The following ARHGEF4 variants were observed in gnomAD, a reference collection of about 807,000 sequenced individuals.
ARHGEF4 encodes the protein Rho guanine nucleotide exchange factor 4.
ARHGEF4 carries 119 observed loss-of-function variants against 162.0 expected under a neutral mutation model. That is an observed-to-expected ratio of 0.73 (90% confidence interval 0.63 to 0.86). The LOEUF is 0.86. Ranked by LOEUF, ARHGEF4 falls within the 40% of genes least tolerant of loss-of-function variation. ARHGEF4 has a pLI of 0.00. For synonymous variants in ARHGEF4, 1,014 were observed against 979.9 expected, an observed-to-expected ratio of 1.03 and a Z score of -0.65; for missense variants, 2,488 against 2,456.0, an observed-to-expected ratio of 1.01 and a Z score of -0.28.
Position 130,916,533 on chromosome 2 carries a change from G to A in ARHGEF4, c.2587G>A (p.Ala863Thr), listed in dbSNP as rs1403470944. The stretch of plus-strand genomic sequence containing the variant: ...CGCCTGGCCCGAGTTTGTCCCGCAG[G>A]CTGCAGGCGACAGGACTGCAGGGCC... The part of the protein sequence containing the change: ...ASAWPEFVPQ[A>T]AGDRTAGPAG... Residue 863 changes from alanine to threonine, a missense_variant, in exon 2 of 14, where the codon GCT becomes ACT. By Grantham distance (58) the Ala-to-Thr change is moderately conservative. Around this residue, in one of 6 missense-constraint regions of ARHGEF4, gnomAD observed 1,642 missense variants for 1,481.5 expected, o/e 1.11. Coordinates refer to ENST00000409359, the MANE Select transcript of ARHGEF4 (RefSeq NM_001367493.1). The A allele has an allele frequency of 6.5e-7, 1 of 1,549,910 alleles. No homozygotes were observed.
At chr2:130,956,521 G>A (rs1684281993) in intron 4 of ARHGEF4, among the ~76,000 whole-genome samples, 1 of 150,548 alleles carries the variant, frequency 6.6e-6, no homozygotes, top group Non-Finnish European at 1.5e-5. Context: ...ACATGCACAC[G>A]TATGTTTATT....
rs1340152272 is a variant in ARHGEF4 at position 131,041,398 on chromosome 2, CAGA to C, written c.4835_4837del (p.Lys1612del). 2 of 1,613,404 alleles carry C rather than the reference CAGA, an allele frequency of 1.2e-6. No homozygotes were observed. Among genetic ancestry groups the C allele is most frequent in the South Asian group, 1.1e-5 (1 of 91,088 alleles). The stretch of plus-strand genomic sequence containing the variant: ...GGATGGCTTCCTGCTGACTCCGGTG[CAGA>C]AGATCTGCAAGTACCCTCTGCAGCT... On this transcript the variant is annotated inframe_deletion, in exon 9 of 14. Coordinates refer to ENST00000409359, the MANE Select transcript of ARHGEF4 (RefSeq NM_001367493.1).
At chr2:130,998,457 C>T (rs1184447670) in intron 4 of ARHGEF4, among the ~76,000 whole-genome samples, 1 of 152,226 alleles carries the variant, frequency 6.6e-6, no homozygotes, top group East Asian at 1.9e-4. Flanking sequence ...CCTAATGATC[C>T]CCTGCACTCC....
intron 4 of ARHGEF4, among the ~76,000 whole-genome samples, chr2:131,009,395 T>G (rs1163801699): frequency 6.6e-6 from 1 of 152,194 alleles, no homozygotes; most frequent in Admixed American, 6.5e-5. Flanking sequence ...GTGATCTCCT[T>G]GAATCTGTAC....
chr2:130,884,154 G>A (rs1378790244), intron 1 of ARHGEF4, among the ~76,000 whole-genome samples: 1 of 152,096 alleles, frequency 6.6e-6, no homozygotes, highest in Non-Finnish European at 1.5e-5. Context: ...AAGGAGGCAG[G>A]AAATGAGCTG....
At chr2:130,948,441 A>G (rs1337980948) in intron 4 of ARHGEF4, among the ~76,000 whole-genome samples, 2 of 152,214 alleles carry the variant, frequency 1.3e-5, no homozygotes, top group Non-Finnish European at 2.9e-5. Flanking sequence ...AGAGTTATTT[A>G]GAGTCTTGTG....
chr2:130,970,326 T>C (rs1327731927), intron 4 of ARHGEF4, among the ~76,000 whole-genome samples: 1 of 152,158 alleles, frequency 6.6e-6, no homozygotes, highest in Non-Finnish European at 1.5e-5. Flanking sequence ...TGGTGGCTCA[T>C]GCCTGTAATC....
At chr2:130,962,562 G>C (rs185055838) in intron 4 of ARHGEF4, among the ~76,000 whole-genome samples, 1 of 152,190 alleles carries the variant, frequency 6.6e-6, no homozygotes, top group African/African-American at 2.4e-5. Flanking sequence ...GAAGCTGCAG[G>C]GCCTCTTATG....
At chr2:130,880,690 G>A (rs1679131287) in intron 1 of ARHGEF4, among the ~76,000 whole-genome samples, 1 of 152,152 alleles carries the variant, frequency 6.6e-6, no homozygotes, top group Non-Finnish European at 1.5e-5. Flanking sequence ...GTGTGCCACT[G>A]CATCCAGCTA....
At chr2:130,905,693 G>T (rs146351881) in intron 1 of ARHGEF4, among the ~76,000 whole-genome samples, 2 of 152,054 alleles carry the variant, frequency 1.3e-5, no homozygotes, top group Non-Finnish European at 2.9e-5. Context: ...ATTTTGAGAG[G>T]GAGAGAAAGA....
intron 5 of ARHGEF4, among the ~76,000 whole-genome samples, chr2:131,036,970 TC>T (rs1465170075): frequency 6.6e-6 from 1 of 152,134 alleles, no homozygotes; most frequent in African/African-American, 2.4e-5. Context: ...GCCTGAGCCC[TC>T]CTGTCTCATC....
chr2:131,032,855 T>TC (rs1689954456), intron 5 of ARHGEF4, among the ~76,000 whole-genome samples: 1 of 129,160 alleles, frequency 7.7e-6, no homozygotes, highest in African/African-American at 3.5e-5. Flanking sequence ...TTTCTTTTTT[T>TC]TTTTTTTTTT....
At chr2:130,902,086 C>T (rs190016229) in intron 1 of ARHGEF4, among the ~76,000 whole-genome samples, 14 of 152,260 alleles carry the variant, frequency 9.2e-5, no homozygotes, top group Non-Finnish European at 1.5e-4. Flanking sequence ...TGGTCTCATG[C>T]GGCCTGGTGT....
At chr2:131,036,243 C>G (rs901276107) in intron 5 of ARHGEF4, among the ~76,000 whole-genome samples, 2 of 152,242 alleles carry the variant, frequency 1.3e-5, no homozygotes, top group East Asian at 3.9e-4. Flanking sequence ...CTGTCTCTGA[C>G]CTCACAGAGC....
intron 3 of ARHGEF4, among the ~76,000 whole-genome samples, chr2:130,940,623 G>A (rs62178897): frequency 0.58 from 86,214 of 149,454 alleles, 29,191 homozygotes; most frequent in East Asian, 0.84. Context: ...GGTGGATCAC[G>A]AGGTCAGGAG....
chr2:130,983,092 AT>A (rs1345145896), intron 4 of ARHGEF4, among the ~76,000 whole-genome samples: 3 of 152,336 alleles, frequency 2.0e-5, no homozygotes, highest in Admixed American at 6.5e-5. Context: ...AGCATCAAAA[AT>A]AATTTCCAGA....
intron 1 of ARHGEF4, among the ~76,000 whole-genome samples, chr2:130,865,216 C>T (rs1165388601): frequency 6.6e-6 from 1 of 152,200 alleles, no homozygotes; most frequent in Non-Finnish European, 1.5e-5. Flanking sequence ...ACAGGCAGAC[C>T]AATGACAGGG....
At chr2:130,837,113 A>C in intron 1 of ARHGEF4, 121 bp downstream of exon 1, 1 of 953,152 alleles carries the variant, frequency 1.0e-6, no homozygotes, top group East Asian at 3.4e-5. Context: ...GTGGGTGGGG[A>C]CACCCTCGTG....
Position 131,013,052 on chromosome 2 carries a change from G to A in ARHGEF4, c.3986-14893G>A, listed in dbSNP as rs533635907. On this transcript the variant is annotated intron_variant, in intron 4 of 13. Coordinates refer to ENST00000409359, the MANE Select transcript of ARHGEF4 (RefSeq NM_001367493.1). The stretch of plus-strand genomic sequence containing the variant: ...TAATCACTGTGAAAAGATTCACCTC[G>A]GCAGTTACCTAGGACTAATGACAAC... 4.6e-5 allele frequency among the ~76,000 whole-genome samples: 7 copies of A among 152,186 alleles called. No homozygotes were observed. In the South Asian group the frequency reaches 6.2e-4, roughly 14 times the overall value.
Sources: allele counts gnomAD v4.1 joint callset (sites outside exome capture counted in the v4.1 genomes callset), GRCh38; gene constraint gnomAD v4.1.1; regional missense constraint gnomAD v4.1.1; transcripts MANE v1.5; gene names NCBI Gene and HGNC (gene_info 2026-07-23, HGNC 2026-07-21).